SLC27A2: variants seen among roughly 807,000 people sequenced by gnomAD.
The protein encoded by SLC27A2 is long-chain fatty acid transport protein 2.
SLC27A2 carries 54 observed loss-of-function variants against 60.0 expected under a neutral mutation model. The observed-to-expected ratio is 0.90, with a 90% CI of 0.72 to 1.13. The LOEUF (loss-of-function observed/expected upper bound fraction) is 1.13, where lower values mean the gene tolerates loss of function less well. SLC27A2 is among the 50% of genes most tolerant of loss of function. SLC27A2 has a pLI of 0.00. For missense variants in SLC27A2, 739 were observed against 777.6 expected, an observed-to-expected ratio of 0.95 and a Z score of 0.59; for synonymous variants, 297 against 297.6, an observed-to-expected ratio of 1.00 and a Z score of 0.02.
chr15:50,202,713 C>G lies in SLC27A2; in HGVS notation c.847+68C>G, dbSNP rs924228274. The G allele has an allele frequency of 1.5e-5, 23 of 1,548,422 alleles. No individual in the cohort carries two copies. The African/African-American group carries it at 3.0e-4, about 20-fold the overall frequency. On this transcript the variant is annotated intron_variant, in intron 3 of 9. Transcript: ENST00000267842. ...CATTTTCCCAGAAGGAACAGTAATA[C>G]AAAATTTGGCTACGTTGCTGTCTGC... is the stretch of plus-strand genomic sequence containing the variant.
At chr15:50,200,634 A>G (rs1389216679) in intron 2 of SLC27A2, among the ~76,000 whole-genome samples, 1 of 152,154 alleles carries the variant, frequency 6.6e-6, no homozygotes, top group African/African-American at 2.4e-5. Context: ...CCTCTTCACG[A>G]AGTCTGTTTA....
At chr15:50,222,285 G>T (rs1269248170) in intron 4 of SLC27A2, among the ~76,000 whole-genome samples, 1 of 152,094 alleles carries the variant, frequency 6.6e-6, no homozygotes, top group Non-Finnish European at 1.5e-5. Flanking sequence ...TTGTTGTCTC[G>T]GTTCAGCTCT....
At chr15:50,219,496 G>A (rs1445834311) in intron 4 of SLC27A2, among the ~76,000 whole-genome samples, 1 of 151,372 alleles carries the variant, frequency 6.6e-6, no homozygotes, top group Non-Finnish European at 1.5e-5. Flanking sequence ...GGGCAGCACA[G>A]TGGACGCCCT....
chr15:50,201,790 T>G (rs558007540), intron 2 of SLC27A2, among the ~76,000 whole-genome samples: 1 of 151,890 alleles, frequency 6.6e-6, no homozygotes, highest in South Asian at 2.1e-4. Context: ...CTCCTGACCT[T>G]GTGATCCGCC....
rs113765647 is a variant in SLC27A2, at chr15:50,204,400, T to C, written c.848-839T>C. Among the ~76,000 whole-genome samples the C allele has an allele frequency of 1.4e-3, 215 of 152,064 alleles. 1 individual carries two copies. Among genetic ancestry groups the C allele is most frequent in the African/African-American group, 4.9e-3 (203 of 41,478 alleles). ...AGAACCCACAAGGCAGAGGTTGCAG[T>C]GAGCCAAGATTTCACCACTGAACTC... On this transcript the variant is annotated intron_variant, in intron 3 of 9. Transcript: ENST00000267842.
At chr15:50,197,429 C>A in intron 1 of SLC27A2, 71 bp from the exon 2 acceptor site, 2 of 1,150,280 alleles carry the variant, frequency 1.7e-6, no homozygotes, top group Non-Finnish European at 2.5e-6. Context: ...AATTATGATG[C>A]TTGTTGAAGC....
At chr15:50,213,637 T>A (rs900709314) in intron 4 of SLC27A2, among the ~76,000 whole-genome samples, 4 of 152,096 alleles carry the variant, frequency 2.6e-5, no homozygotes, top group African/African-American at 9.7e-5. Flanking sequence ...GGAATAAAAC[T>A]GGAAATTAAC....
At chr15:50,228,874 C>G in intron 7 of SLC27A2, 71 bp from the exon 8 acceptor site, 1 of 1,013,254 alleles carries the variant, frequency 9.9e-7, no homozygotes, top group Admixed American at 1.8e-5. Flanking sequence ...AAAGGAAACA[C>G]CAGCTCTCCG....
At position 50,182,708 on chromosome 15, in the gene SLC27A2, C is replaced by A; in HGVS notation, c.281C>A (p.Ala94Glu). The A allele has an allele frequency of 1.2e-6, 2 of 1,613,838 alleles. No homozygotes were observed. The highest frequency in any genetic ancestry group is 8.5e-7 in the Non-Finnish European group (1 of 1,179,916). Residue 94 changes from alanine to glutamate, a missense_variant, in exon 1 of 10, where the codon GCG (alanine) becomes GAG (glutamate). By Grantham distance (107) the Ala-to-Glu change is moderately radical. Coordinates refer to ENST00000267842, the MANE Select transcript of SLC27A2 (RefSeq NM_003645.4). ...CGGCGCAGCAATCAAGTGGCCCGGG[C>A]GCTGCACGACCACCTCGGCCTGCGC... The part of the protein sequence containing the change: ...VDRRSNQVAR[A>E]LHDHLGLRQG...
Position 50,219,206 on chromosome 15 carries a change from GAGAA to G in SLC27A2, c.973-3754_973-3751del, listed in dbSNP as rs1348812809. 1.1e-4 allele frequency among the ~76,000 whole-genome samples: 17 copies of G among 152,288 alleles called. No homozygotes were observed. In the East Asian group the frequency reaches 3.1e-3, roughly 28 times the overall value. ...AGGAAATCTGAAATTGACGAAACAAGAGAAAGAAGTATAAGCATTTAATTTAGAA... is the reference window on the plus strand; with the variant it reads ...AGGAAATCTGAAATTGACGAAACAAGAGAAGTATAAGCATTTAATTTAGAA... On this transcript the variant is annotated intron_variant, in intron 4 of 9. Coordinates refer to ENST00000267842, the MANE Select transcript of SLC27A2 (RefSeq NM_003645.4).
At chr15:50,218,502 A>G (rs2045219084) in intron 4 of SLC27A2, among the ~76,000 whole-genome samples, 1 of 152,216 alleles carries the variant, frequency 6.6e-6, no homozygotes, top group Non-Finnish European at 1.5e-5. Context: ...AAATTGTGCC[A>G]TGATGAAATT....
intron 1 of SLC27A2, among the ~76,000 whole-genome samples, chr15:50,194,679 G>A (rs562225900): frequency 6.6e-6 from 1 of 152,194 alleles, no homozygotes; most frequent in African/African-American, 2.4e-5. Context: ...GAAATAATGA[G>A]GACATGAGCC....
chr15:50,218,195 G>C (rs1285525879), intron 4 of SLC27A2, among the ~76,000 whole-genome samples: 1 of 150,464 alleles, frequency 6.6e-6, no homozygotes, highest in African/African-American at 2.4e-5. Flanking sequence ...AAAAGAATCA[G>C]ACTTGAAAAC....
chr15:50,186,898 T>C (rs1049314537), intron 1 of SLC27A2, among the ~76,000 whole-genome samples: 3 of 152,250 alleles, frequency 2.0e-5, no homozygotes, highest in Non-Finnish European at 4.4e-5. Context: ...TTGAACATGA[T>C]ACATAAATGT....
chr15:50,218,443 A>G (rs2045218541), intron 4 of SLC27A2, among the ~76,000 whole-genome samples: 1 of 152,232 alleles, frequency 6.6e-6, no homozygotes, highest in African/African-American at 2.4e-5. Flanking sequence ...AGGGCTGGAC[A>G]GACTGAAAGG....
intron 4 of SLC27A2, among the ~76,000 whole-genome samples, chr15:50,210,000 A>G (rs961493963): frequency 6.6e-6 from 1 of 152,228 alleles, no homozygotes; most frequent in African/African-American, 2.4e-5. Context: ...CCCAACAGGA[A>G]GGAAGCCAGT....
chr15:50,213,211 G>A (rs758993215), intron 4 of SLC27A2, among the ~76,000 whole-genome samples: 9 of 152,120 alleles, frequency 5.9e-5, no homozygotes, highest in Non-Finnish European at 8.8e-5. Context: ...GACAAACAGA[G>A]ACAGTATAGA....
chr15:50,200,906 G>T (rs1192752390), intron 2 of SLC27A2, among the ~76,000 whole-genome samples: 2 of 152,192 alleles, frequency 1.3e-5, no homozygotes, highest in East Asian at 3.8e-4. Context: ...GGAGGAAACA[G>T]GCACACTCAT....
At chr15:50,209,482 C>T (rs764045485) in intron 4 of SLC27A2, among the ~76,000 whole-genome samples, 3 of 152,066 alleles carry the variant, frequency 2.0e-5, no homozygotes, top group East Asian at 1.9e-4. Flanking sequence ...AGGAAAATCA[C>T]GTGAGCAGTG....
Sources: allele counts gnomAD v4.1 joint callset (sites outside exome capture counted in the v4.1 genomes callset), GRCh38; gene constraint gnomAD v4.1.1; transcripts MANE v1.5; gene names NCBI Gene and HGNC (gene_info 2026-07-23, HGNC 2026-07-21).